Variants in FAM178B observed in about 807,000 individuals in gnomAD.
FAM178B encodes family with sequence similarity 178 member B, also known as protein FAM178B.
Under a neutral mutation model 91.7 loss-of-function variants are expected in FAM178B, and 82 were observed. The observed-to-expected ratio is 0.89, with a 90% CI of 0.75 to 1.07. The LOEUF is 1.07. FAM178B is among the 50% of genes least tolerant of loss of function. The probability of loss-of-function intolerance (pLI) is 0.00; values close to 1 mark genes in which losing one functional copy is unlikely to be tolerated. For missense variants in FAM178B, 769 were observed against 846.7 expected (o/e 0.91, Z 1.14); for synonymous variants, 368 against 359.4 (o/e 1.02, Z -0.27).
At chr2:96,925,516 G>A (rs1029712119) in intron 9 of FAM178B, among the ~76,000 whole-genome samples, 10 of 152,178 alleles carry the variant, frequency 6.6e-5, no homozygotes, top group African/African-American at 1.7e-4. Flanking sequence ...GCTGATCCCC[G>A]AAACTCCACC....
chr2:96,877,983 C>A lies in FAM178B; in HGVS notation c.1914G>T (p.Glu638Asp). The change falls in exon 16 of 17, where the codon GAG becomes GAT. Residue 638 changes from glutamate to aspartate, a missense_variant. Transcript: ENST00000490605. ...LDRHISTQIR[E>D]SPQAMHRTML... is the part of the protein sequence containing the mutation. ...TGGTGCGGTGCATGGCCTGGGGGCTCTCCCGGATCTGCGTGCTGATGTGGC... is the reference window on the plus strand; with the variant it reads ...TGGTGCGGTGCATGGCCTGGGGGCTATCCCGGATCTGCGTGCTGATGTGGC... The A allele has an allele frequency of 6.2e-7, 1 of 1,613,532 alleles. No individual in the cohort carries two copies. The highest frequency in any genetic ancestry group is 8.5e-7 in the Non-Finnish European group (1 of 1,180,034).
Position 96,972,198 on chromosome 2 carries a change from T to A in FAM178B, c.267A>T (p.Pro89=), listed in dbSNP as rs1389455828. Reference sequence around the variant, plus strand: ...TGGGCTTCTTTGGCGATGTGGGAGCTGGAGCCGAGGCAGGGCTGCAGGGCC... The same window carrying A: ...TGGGCTTCTTTGGCGATGTGGGAGCAGGAGCCGAGGCAGGGCTGCAGGGCC... ...ARRPCSPASA[P]APTSPKKPKI... The change falls in exon 3 of 17, where the codon CCA becomes CCT. Residue 89 remains proline, a synonymous_variant. Coordinates refer to ENST00000490605, the MANE Select transcript of FAM178B (RefSeq NM_001122646.3). 2 of 1,546,196 alleles carry A rather than the reference T, an allele frequency of 1.3e-6. No homozygotes were observed. The highest frequency in any genetic ancestry group is 4.9e-5 in the East Asian group (2 of 40,878).
intron 8 of FAM178B, among the ~76,000 whole-genome samples, chr2:96,946,516 C>G (rs1251783268): frequency 6.6e-6 from 1 of 152,224 alleles, no homozygotes; most frequent in Non-Finnish European, 1.5e-5. Context: ...GAAACACAAT[C>G]CCAGGCTGGG....
chr2:96,977,130 G>A (rs1216619475), intron 1 of FAM178B, among the ~76,000 whole-genome samples: 1 of 146,944 alleles, frequency 6.8e-6, no homozygotes, highest in East Asian at 2.0e-4. Context: ...GGGAGGCAGA[G>A]GTTGCAGTGA....
At chr2:96,973,286 A>G (rs748120023) in intron 1 of FAM178B, among the ~76,000 whole-genome samples, 2 of 151,608 alleles carry the variant, frequency 1.3e-5, no homozygotes, top group African/African-American at 2.4e-5. Context: ...CGCCCCACCC[A>G]TCTTACTTAC....
rs2082235492 is a variant in FAM178B at position 96,972,458 on chromosome 2, T to C, written c.142+80A>G. 28 of 1,513,460 alleles carry C rather than the reference T, an allele frequency of 1.9e-5. 1 individual carries two copies. The South Asian group carries it at 3.1e-4, about 17-fold the overall frequency. 93.8% of individuals were successfully genotyped at this position (1,513,460 alleles called of 1,614,324 possible). A position where few individuals can be genotyped will look rare whatever the true frequency, so the allele number is the denominator to read the frequency against. On this transcript the variant is annotated intron_variant, in intron 2 of 16. Coordinates refer to ENST00000490605, the MANE Select transcript of FAM178B (RefSeq NM_001122646.3). ...TGCTGTGGGAAGGATGCAAGGGAAA[T>C]CCTTCAGCCATGGGCTCTCCACTTC...
intron 13 of FAM178B, 89 bp downstream of exon 13, chr2:96,902,531 T>C (rs1459407712): frequency 1.1e-6 from 1 of 878,632 alleles, no homozygotes; most frequent in East Asian, 2.7e-5. Context: ...CCAGCTTAGC[T>C]CTGGGGCCTG....
At chr2:96,906,390 T>A (rs920405237) in intron 12 of FAM178B, among the ~76,000 whole-genome samples, 20 of 151,968 alleles carry the variant, frequency 1.3e-4, no homozygotes, top group Non-Finnish European at 1.9e-4. Context: ...CTGGCATAAG[T>A]TTATCCCATG....
rs1574335774 is a variant in FAM178B at position 96,986,275 on chromosome 2, T to A, written c.39A>T (p.Gln13His). 6 of 1,534,448 alleles carry A rather than the reference T, an allele frequency of 3.9e-6. 1 individual carries two copies. In the Admixed American group the frequency reaches 1.2e-4, roughly 30 times the overall value. The change falls in exon 1 of 17, where the codon CAA becomes CAT. Residue 13 changes from glutamine to histidine, a missense_variant. Physicochemically the swap from Gln to His is conservative, Grantham distance 24. Transcript: ENST00000490605. ...PRLPGAGLAP[Q>H]LRRQDQRLHF... ...GGAGCCGCTGATCCTGCCTCCTGAG[T>A]TGTGGAGCGAGGCCCGCACCTGGAA...
At chr2:96,889,676 TCAAA>T (rs2080618258) in intron 14 of FAM178B, among the ~76,000 whole-genome samples, 2 of 98,060 alleles carry the variant, frequency 2.0e-5, no homozygotes, top group Admixed American at 1.1e-4. Context: ...AGACTCTGTC[TCAAA>T]TAAATAAATA....
At chr2:96,981,193 T>C (rs957476263) in intron 1 of FAM178B, among the ~76,000 whole-genome samples, 5 of 152,110 alleles carry the variant, frequency 3.3e-5, no homozygotes, top group African/African-American at 9.7e-5. Flanking sequence ...CTCGAACTCC[T>C]GGCCTCAAGG....
At chr2:96,924,372 G>A (rs2081398784) in intron 9 of FAM178B, among the ~76,000 whole-genome samples, 1 of 152,238 alleles carries the variant, frequency 6.6e-6, no homozygotes, top group Admixed American at 6.5e-5. Context: ...CTCCAAAGGT[G>A]TCACCCTGAG....
chr2:96,887,721 C>T (rs1157384719), intron 14 of FAM178B, among the ~76,000 whole-genome samples: 1 of 152,200 alleles, frequency 6.6e-6, no homozygotes, highest in Non-Finnish European at 1.5e-5. Flanking sequence ...ATTTTCCTAA[C>T]TCAGAACGAG....
chr2:96,963,730 C>T (rs1397226842), intron 5 of FAM178B, among the ~76,000 whole-genome samples: 1 of 152,246 alleles, frequency 6.6e-6, no homozygotes. Flanking sequence ...CTCACTGCAG[C>T]ACAGCCATGC....
At chr2:96,950,209 T>A in intron 7 of FAM178B, 1 of 978,718 alleles carries the variant, frequency 1.0e-6, no homozygotes, top group Non-Finnish European at 1.2e-6. Context: ...CTCCCAATGC[T>A]CGATTGTGTG....
At chr2:96,901,181 T>C (rs546986901) in intron 13 of FAM178B, among the ~76,000 whole-genome samples, 171 of 150,424 alleles carry the variant, frequency 1.1e-3, no homozygotes, top group Non-Finnish European at 1.9e-3. Flanking sequence ...TTTTTCTTTT[T>C]TTTTTTTTTT....
At chr2:96,960,577 G>T in intron 5 of FAM178B, 137 bp from the exon 6 acceptor site, 1 of 1,020,974 alleles carries the variant, frequency 9.8e-7, no homozygotes. Flanking sequence ...CAAGGGGACA[G>T]CGCCACCTGC....
chr2:96,961,193 A>T (rs1295596383), intron 5 of FAM178B, among the ~76,000 whole-genome samples: 2 of 152,214 alleles, frequency 1.3e-5, no homozygotes, highest in Non-Finnish European at 2.9e-5. Flanking sequence ...TGACCCATTG[A>T]AATGAGGATG....
intron 12 of FAM178B, among the ~76,000 whole-genome samples, chr2:96,905,442 T>C (rs1271450643): frequency 6.6e-6 from 1 of 150,506 alleles, no homozygotes; most frequent in Admixed American, 6.6e-5. Flanking sequence ...CCTGTAATCC[T>C]AGCTACTCGG....
Sources: allele counts gnomAD v4.1 joint callset (sites outside exome capture counted in the v4.1 genomes callset), GRCh38; gene constraint gnomAD v4.1.1; transcripts MANE v1.5; gene names NCBI Gene and HGNC (gene_info 2026-07-23, HGNC 2026-07-21).